The following PPL variants were observed in gnomAD, a reference collection of about 807,000 sequenced individuals.
The protein encoded by PPL is 190 kDa paraneoplastic pemphigus antigen.
PPL carries 198 observed loss-of-function variants against 194.4 expected under a neutral mutation model. That is an observed-to-expected ratio of 1.02 (90% CI 0.91 to 1.15). PPL has a LOEUF of 1.15. Among genes scored for constraint, PPL ranks in the 50% most tolerant of loss-of-function variants. PPL has a pLI of 0.00. For missense variants in PPL, 2,885 were observed against 2,294.8 expected, an observed-to-expected ratio of 1.26 and a Z score of -5.25; for synonymous variants, 1,220 against 972.4, an observed-to-expected ratio of 1.25 and a Z score of -4.74.
In PPL at chr16:4,902,288, C is replaced by A; in HGVS notation, c.438+118G>T. The A allele has an allele frequency of 6.7e-7, 1 of 1,482,122 alleles. No individual in the cohort carries two copies. The highest frequency in any genetic ancestry group is 1.8e-4 in the Middle Eastern group (1 of 5,614). The allele number at this position is 1,482,122 out of a possible 1,614,324, so 91.8% of individuals were successfully genotyped here. On this transcript the variant is annotated intron_variant, in intron 4 of 21. Coordinates refer to ENST00000345988, the MANE Select transcript of PPL (RefSeq NM_002705.5). This position sits in a 1 kb window ranked among gnomAD's most constrained non-coding sequence, Gnocchi z 4.0. ...GGGCACACTGGAAAACCATCAGGAC[C>A]ACGACTGTCTCCCTGGTAAGACCCG...
chr16:4,884,685 C>G lies in PPL; in HGVS notation c.3970G>C (p.Asp1324His), dbSNP rs753001981. ...TGGGAAGCTCTTTCCCTCTCCAGAT[C>G]CACTTGTTTCTTCTGCTCCTCTGAG... is the stretch of plus-strand genomic sequence containing the variant. ...KLSEEQKKQVDLERERASQEE... is the reference protein window; with the variant it reads ...KLSEEQKKQVHLERERASQEE... The change falls in exon 22 of 22, where the codon GAT (aspartate) becomes CAT (histidine). Residue 1324 changes from aspartate (D) to histidine (H), a missense_variant. Coordinates refer to ENST00000345988, the MANE Select transcript of PPL (RefSeq NM_002705.5). This position sits in a 1 kb window ranked among gnomAD's most constrained non-coding sequence, Gnocchi z 5.7. 4 of 1,614,148 alleles carry G rather than the reference C, an allele frequency of 2.5e-6. No homozygotes were observed. Among genetic ancestry groups the G allele is most frequent in the Non-Finnish European group, 3.4e-6 (4 of 1,180,022 alleles).
intron 19 of PPL, chr16:4,888,733 C>A: frequency 6.8e-6 from 3 of 439,490 alleles, no homozygotes; most frequent in Non-Finnish European, 1.2e-5. Context: ...TGTACTTTTT[C>A]CTTAAGGATA....
At chr16:4,927,346 G>A (rs1406327553) in intron 1 of PPL, among the ~76,000 whole-genome samples, 1 of 152,166 alleles carries the variant, frequency 6.6e-6, no homozygotes, top group Non-Finnish European at 1.5e-5. Context: ...GTAACTATGT[G>A]GTTCCCAACA....
chr16:4,911,788 T>C lies in PPL; in HGVS notation c.63-839A>G, dbSNP rs527256282. The stretch of plus-strand genomic sequence containing the variant: ...CCTGAGCTCAAGCAATTCGTCCACC[T>C]TGGACTCCCAAAGTGCTGGGATTAC... On this transcript the variant is annotated intron_variant, in intron 1 of 21. Coordinates refer to ENST00000345988, the MANE Select transcript of PPL (RefSeq NM_002705.5). 3.3e-5 allele frequency among the ~76,000 whole-genome samples: 5 copies of C among 152,266 alleles called. No individual in the cohort carries two copies. In the East Asian group the frequency reaches 9.6e-4, roughly 29 times the overall value.
At position 4,884,674 on chromosome 16, in the gene PPL, C is replaced by T. The variant is rs1803698755; in HGVS notation, c.3981G>A (p.Arg1327=). Residue 1327 remains arginine (R), a synonymous_variant, in exon 22 of 22, where the codon AGG becomes AGA. Transcript: ENST00000345988. The surrounding 1 kb of genome is among the most constrained non-coding windows in gnomAD (Gnocchi z 5.7). Reference sequence around the variant, plus strand: ...TCTGCTCTTCCTGGGAAGCTCTTTCCCTCTCCAGATCCACTTGTTTCTTCT... The same window carrying T: ...TCTGCTCTTCCTGGGAAGCTCTTTCTCTCTCCAGATCCACTTGTTTCTTCT... The part of the protein sequence containing the change: ...EEQKKQVDLE[R]ERASQEEQIA... 6.2e-7 allele frequency: 1 copy of T among 1,614,148 alleles called. No individual in the cohort carries two copies.
In PPL at chr16:4,902,630, A is replaced by T; in HGVS notation, c.318-104T>A. 3 of 1,325,208 alleles carry T rather than the reference A, an allele frequency of 2.3e-6. No individual in the cohort carries two copies. The highest frequency in any genetic ancestry group is 3.1e-6 in the Non-Finnish European group (3 of 964,590). The allele number at this position is 1,325,208 out of a possible 1,614,324, so 82.1% of individuals were successfully genotyped here. On this transcript the variant is annotated intron_variant, in intron 3 of 21. Transcript: ENST00000345988. The surrounding 1 kb of genome is among the most constrained non-coding windows in gnomAD (Gnocchi z 4.0). Reference sequence around the variant, plus strand: ...CGGCCTCAGTGTCCTGGAAGGACACAGTGACCATATGGCCTTGGGTTCCAG... The same window carrying T: ...CGGCCTCAGTGTCCTGGAAGGACACTGTGACCATATGGCCTTGGGTTCCAG...
At chr16:4,895,198 G>C in intron 11 of PPL, 63 bp downstream of exon 11, 1 of 1,506,844 alleles carries the variant, frequency 6.6e-7, no homozygotes, top group Non-Finnish European at 8.9e-7. Flanking sequence ...TGAGGCCCGG[G>C]ATCCAACCAT....
rs747876319 is a variant in PPL at position 4,883,516 on chromosome 16, C to G, written c.5139G>C (p.Arg1713Ser). 2 of 1,614,210 alleles carry G rather than the reference C, an allele frequency of 1.2e-6. No homozygotes were observed. Among genetic ancestry groups the G allele is most frequent in the South Asian group, 1.1e-5 (1 of 91,084 alleles). The change falls in exon 22 of 22, where the codon AGG becomes AGC. Residue 1713 changes from arginine (R) to serine (S), a missense_variant. Arg to Ser is a moderately radical substitution (Grantham distance 110). Transcript: ENST00000345988. This position sits in a 1 kb window ranked among gnomAD's most constrained non-coding sequence, Gnocchi z 4.8. ...PNGESSVIHDRKSGKKFSIEE... is the reference protein window; with the variant it reads ...PNGESSVIHDSKSGKKFSIEE... ...CGATGGAGAACTTCTTGCCAGACTT[C>G]CTGTCGTGTATCACTGAGGACTCCC... is the stretch of plus-strand genomic sequence containing the variant.
At position 4,884,624 on chromosome 16, in the gene PPL, G is replaced by A. The variant is rs781467396; in HGVS notation, c.4031C>T (p.Ser1344Leu). The change falls in exon 22 of 22, where the codon TCG (serine) becomes TTG (leucine). Residue 1344 changes from serine to leucine, a missense_variant. Ser to Leu is a moderately radical substitution (Grantham distance 145, BLOSUM62 -2). Coordinates refer to ENST00000345988, the MANE Select transcript of PPL (RefSeq NM_002705.5). The surrounding 1 kb of genome is among the most constrained non-coding windows in gnomAD (Gnocchi z 5.7). ...CTGCACCACCCTTTCCTTCACCCGC[G>A]AGAGCTCCTCCTCTTTCCGGGCGAT... The part of the protein sequence containing the change: ...EQIARKEEEL[S>L]RVKERVVQQE... 1.2e-5 allele frequency: 20 copies of A among 1,613,940 alleles called. No individual in the cohort carries two copies. The highest frequency in any genetic ancestry group is 8.9e-5 in the East Asian group (4 of 44,830).
At chr16:4,926,591 T>C (rs2089157502) in intron 1 of PPL, among the ~76,000 whole-genome samples, 1 of 152,010 alleles carries the variant, frequency 6.6e-6, no homozygotes, top group Non-Finnish European at 1.5e-5. Flanking sequence ...ATTACAAAGA[T>C]TTGGCTTGGC....
At chr16:4,929,462 CT>C (rs1275843964) in intron 1 of PPL, among the ~76,000 whole-genome samples, 1 of 152,144 alleles carries the variant, frequency 6.6e-6, no homozygotes, top group Admixed American at 6.5e-5. Context: ...CTACTCCACC[CT>C]TCACCTAAAC....
At position 4,885,515 on chromosome 16, in the gene PPL, C is replaced by T. The variant is rs369644877; in HGVS notation, c.3140G>A (p.Arg1047Gln). ...RVAALAEEKS[R>Q]AQEKVTEKEV... ...TTTCTCTGTGACCTTCTCCTGCGCC[C>T]GGCTCTTCTCTTCAGCCAGGGCGGC... Residue 1047 changes from arginine to glutamine, a missense_variant, in exon 22 of 22, where the codon CGG (arginine) becomes CAG (glutamine). By Grantham distance (43) the Arg-to-Gln change is conservative. Transcript: ENST00000345988. The surrounding 1 kb of genome is among the most constrained non-coding windows in gnomAD (Gnocchi z 6.3). 42 of 1,611,174 alleles carry T rather than the reference C, an allele frequency of 2.6e-5. 1 individual carries two copies. Among genetic ancestry groups the T allele is most frequent in the Middle Eastern group, 3.3e-4 (2 of 6,082 alleles).
rs186870639 is a variant in PPL at position 4,916,656 on chromosome 16, C to T, written c.63-5707G>A. The stretch of plus-strand genomic sequence containing the variant: ...AGTAACTGCGACTACAGGCGCCTGG[C>T]ACCGTGCCCAGCTAATTTTTTTTTT... On this transcript the variant is annotated intron_variant, in intron 1 of 21. Transcript: ENST00000345988. Among the ~76,000 whole-genome samples the T allele has an allele frequency of 2.9e-4, 42 of 142,418 alleles. No individual in the cohort carries two copies. In the East Asian group the frequency reaches 8.5e-3, roughly 29 times the overall value. The allele number at this position is 142,418 out of a possible 152,430, so 93.4% of individuals were successfully genotyped here.
At chr16:4,932,509 A>C (rs1376637569) in intron 1 of PPL, among the ~76,000 whole-genome samples, 1 of 150,864 alleles carries the variant, frequency 6.6e-6, no homozygotes, top group Non-Finnish European at 1.5e-5. Context: ...TCCCAGGTTC[A>C]AGTGATTCTC....
At chr16:4,918,157 A>G (rs1056698159) in intron 1 of PPL, among the ~76,000 whole-genome samples, 3 of 151,560 alleles carry the variant, frequency 2.0e-5, no homozygotes, top group Admixed American at 1.3e-4. Flanking sequence ...GCCAGGCATG[A>G]TGGCAGGTAC....
chr16:4,904,248 G>A (rs894270633), intron 2 of PPL, among the ~76,000 whole-genome samples: 1 of 152,172 alleles, frequency 6.6e-6, no homozygotes, highest in Non-Finnish European at 1.5e-5. Context: ...TGCAAAGCAG[G>A]TATTTCTCTT....
chr16:4,889,231 TGTTG>T (rs753595157), intron 18 of PPL, among the ~76,000 whole-genome samples, 170 bp from the exon 19 acceptor site: 3 of 57,596 alleles, frequency 5.2e-5, no homozygotes, highest in Admixed American at 2.6e-4. Context: ...GCAGTTTTTT[TGTTG>T]TTGTTGTTTT....
At position 4,883,360 on chromosome 16, in the gene PPL, T is replaced by TA. The variant is rs764450371; in HGVS notation, c.*23dup. On this transcript the variant is annotated 3_prime_UTR_variant, in exon 22 of 22. Transcript: ENST00000345988. This position sits in a 1 kb window ranked among gnomAD's most constrained non-coding sequence, Gnocchi z 4.8. ...GTAGGAGAGGGCCAGCGTCTGCCGT[T>TA]ACGAAGAGTTGCAAGAGCTGTGCCT... 40 of 1,612,580 alleles carry TA rather than the reference T, an allele frequency of 2.5e-5. 1 individual carries two copies. Among genetic ancestry groups the TA allele is most frequent in the South Asian group, 4.4e-5 (4 of 91,026 alleles).
chr16:4,917,957 A>G (rs2142400911), intron 1 of PPL, among the ~76,000 whole-genome samples: 1 of 150,490 alleles, frequency 6.6e-6, no homozygotes, highest in South Asian at 2.1e-4. Flanking sequence ...ACTGGATGAT[A>G]TATGAATTAC....
Sources: gnomAD v4.1 joint callset for allele counts (sites outside exome capture counted in the v4.1 genomes callset) on GRCh38, gnomAD v4.1.1 for gene constraint, Gnocchi (gnomAD v3.1) non-coding constraint, MANE v1.5 for transcripts, NCBI Gene and HGNC (gene_info 2026-07-23, HGNC 2026-07-21) for gene names.